Variants in NAALADL2 observed in about 807,000 individuals in gnomAD.
NAALADL2 encodes the protein N-acetylated alpha-linked acidic dipeptidase like 2.
A neutral mutation model predicts 87.2 loss-of-function variants in NAALADL2; 76 were observed. The observed-to-expected ratio is 0.87, with a 90% CI of 0.72 to 1.05. The LOEUF is 1.05. Ranked by LOEUF, NAALADL2 falls within the 50% of genes least tolerant of loss-of-function variation. The pLI, the probability that NAALADL2 is intolerant of heterozygous loss-of-function variation, is 0.00. For missense variants in NAALADL2, 1,089 were observed against 945.8 expected (o/e 1.15, Z -1.99); for synonymous variants, 354 against 331.0 (o/e 1.07, Z -0.75).
At chr3:175,335,114 C>A (rs977569634) in intron 5 of NAALADL2, among the ~76,000 whole-genome samples, 1 of 152,188 alleles carries the variant, frequency 6.6e-6, no homozygotes, top group African/African-American at 2.4e-5. Flanking sequence ...CTGGACAAAA[C>A]CTCACCACGT....
At chr3:174,883,875 G>A (rs1437220666) in intron 1 of NAALADL2, among the ~76,000 whole-genome samples, 1 of 152,128 alleles carries the variant, frequency 6.6e-6, no homozygotes, top group Non-Finnish European at 1.5e-5. Flanking sequence ...CATAGGGCAT[G>A]GTAATACTAA....
At chr3:174,582,992 A>G (rs2108564651) in intron 2 of NAALADL2, among the ~76,000 whole-genome samples, 1 of 152,354 alleles carries the variant, frequency 6.6e-6, no homozygotes, top group Non-Finnish European at 1.5e-5. Context: ...TGCAAATGTA[A>G]TTCAAACTGC....
intron 3 of NAALADL2, among the ~76,000 whole-genome samples, chr3:174,794,021 C>T (rs1717774958): frequency 6.6e-6 from 1 of 151,948 alleles, no homozygotes; most frequent in African/African-American, 2.4e-5. Flanking sequence ...ACTAAAAATC[C>T]TTCCATTACA....
chr3:174,787,604 T>TATACATATATATATATATATACAC (rs1716929613), intron 3 of NAALADL2, among the ~76,000 whole-genome samples: 10 of 87,932 alleles, frequency 1.1e-4, no homozygotes, highest in Non-Finnish European at 2.2e-4. Context: ...TATATATATA[T>TATACATATATATATATATATACAC]ATATATATAT....
At chr3:174,727,288 A>G (rs1257523960) in intron 2 of NAALADL2, among the ~76,000 whole-genome samples, 3 of 151,822 alleles carry the variant, frequency 2.0e-5, no homozygotes, top group Non-Finnish European at 4.4e-5. Context: ...TCTAAAAAAA[A>G]AAATCATTTT....
At chr3:175,200,044 T>C (rs1393703463) in intron 2 of NAALADL2, among the ~76,000 whole-genome samples, 1 of 151,370 alleles carries the variant, frequency 6.6e-6, no homozygotes, top group Non-Finnish European at 1.5e-5. Flanking sequence ...TCAGCTGGCA[T>C]GATTCTGTCT....
intron 1 of NAALADL2, among the ~76,000 whole-genome samples, chr3:175,058,488 A>G (rs548016078): frequency 6.6e-6 from 1 of 152,340 alleles, no homozygotes. Flanking sequence ...AAAACAAAAT[A>G]TAATCAAACA....
chr3:174,962,377 T>TATATATATATATGTCATAGTCACTATGAC (rs1560417031), intron 1 of NAALADL2, among the ~76,000 whole-genome samples: 41 of 101,420 alleles, frequency 4.0e-4, no homozygotes, highest in African/African-American at 3.3e-3. Context: ...ATGACATATA[T>TATATATATATATGTCATAGTCACTATGAC]ATATATATAT....
intron 1 of NAALADL2, among the ~76,000 whole-genome samples, chr3:174,951,756 T>A (rs2108513054): frequency 6.6e-6 from 1 of 152,260 alleles, no homozygotes; most frequent in South Asian, 2.1e-4. Flanking sequence ...CAAAATATTT[T>A]ACAAATACTT....
chr3:175,188,875 G>A (rs527437074), intron 2 of NAALADL2, among the ~76,000 whole-genome samples: 1 of 150,032 alleles, frequency 6.7e-6, no homozygotes, highest in African/African-American at 2.5e-5. Flanking sequence ...CTGTAGCTAT[G>A]CCCTGATCTC....
intron 5 of NAALADL2, among the ~76,000 whole-genome samples, chr3:175,416,783 A>C (rs891088673): frequency 1.3e-5 from 2 of 152,078 alleles, no homozygotes; most frequent in Non-Finnish European, 2.9e-5. Flanking sequence ...GGTTTGCAGA[A>C]GTGAGAAAGT....
At chr3:175,581,225 G>A (rs943337874) in intron 10 of NAALADL2, 23 of 302,588 alleles carry the variant, frequency 7.6e-5, no homozygotes, top group Admixed American at 2.1e-4. Flanking sequence ...GAGGATCACC[G>A]GAGGTCAGGA....
At chr3:175,480,471 T>G (rs1264988289) in intron 9 of NAALADL2, among the ~76,000 whole-genome samples, 5 of 151,846 alleles carry the variant, frequency 3.3e-5, no homozygotes, top group Non-Finnish European at 7.4e-5. Context: ...AGACATGATG[T>G]AGTGAGGTTT....
chr3:174,814,413 G>A (rs1419264414), intron 3 of NAALADL2, among the ~76,000 whole-genome samples: 4 of 152,040 alleles, frequency 2.6e-5, no homozygotes, highest in South Asian at 2.1e-4. Flanking sequence ...GGCCTGTTTA[G>A]TTAAATATTT....
intron 1 of NAALADL2, among the ~76,000 whole-genome samples, chr3:174,906,912 C>T (rs1241976333): frequency 2.6e-5 from 4 of 152,008 alleles, no homozygotes; most frequent in South Asian, 4.1e-4. Flanking sequence ...TATGTGATCA[C>T]TAATCTTTCT....
chr3:174,775,653 C>CA (rs1292048441), intron 3 of NAALADL2, among the ~76,000 whole-genome samples: 1 of 152,154 alleles, frequency 6.6e-6, no homozygotes, highest in African/African-American at 2.4e-5. Flanking sequence ...CCTCAGGCCA[C>CA]AGTGCAGATC....
chr3:175,383,489 T>G (rs1768017873), intron 5 of NAALADL2, among the ~76,000 whole-genome samples: 1 of 152,040 alleles, frequency 6.6e-6, no homozygotes, highest in South Asian at 2.1e-4. Context: ...TATTATTAAC[T>G]ACAGTTACCA....
intron 2 of NAALADL2, among the ~76,000 whole-genome samples, chr3:175,192,020 G>A (rs1464211062): frequency 6.6e-6 from 1 of 152,080 alleles, no homozygotes; most frequent in Non-Finnish European, 1.5e-5. Context: ...CCTGAAAGTG[G>A]CAGTTAGCTA....
intron 1 of NAALADL2, among the ~76,000 whole-genome samples, chr3:174,916,250 A>G (rs1275681219): frequency 6.6e-6 from 1 of 152,068 alleles, no homozygotes; most frequent in East Asian, 1.9e-4. Context: ...AAGGGAACAC[A>G]TTAATACTGT....
Sources: gnomAD v4.1 joint callset for allele counts (sites outside exome capture counted in the v4.1 genomes callset) on GRCh38, gnomAD v4.1.1 for gene constraint, MANE v1.5 for transcripts, NCBI Gene and HGNC (gene_info 2026-07-23, HGNC 2026-07-21) for gene names.